Variants in KYNU observed in about 807,000 individuals in gnomAD.
The protein encoded by KYNU is kynureninase.
Under a neutral mutation model 59.2 loss-of-function variants are expected in KYNU, and 54 were observed. The observed-to-expected ratio is 0.91, with a 90% CI of 0.73 to 1.14. The LOEUF (loss-of-function observed/expected upper bound fraction) is 1.14. Among genes scored for constraint, KYNU ranks in the 50% most tolerant of loss-of-function variants. KYNU has a pLI of 0.00. For missense variants in KYNU, 567 were observed against 554.4 expected (o/e 1.02, Z -0.23); for synonymous variants, 177 against 192.0 (o/e 0.92, Z 0.65).
chr2:142,999,770 G>T (rs1435249154), intron 10 of KYNU, among the ~76,000 whole-genome samples: 1 of 151,984 alleles, frequency 6.6e-6, no homozygotes, highest in African/African-American at 2.4e-5. Context: ...TCATAGAAGA[G>T]AGCCAACATG....
At chr2:142,943,943 G>T (rs898804922) in intron 4 of KYNU, among the ~76,000 whole-genome samples, 1 of 152,126 alleles carries the variant, frequency 6.6e-6, no homozygotes, top group Non-Finnish European at 1.5e-5. Context: ...TATGAGACCC[G>T]TAATGAACCC....
chr2:143,012,488 A>T, intron 10 of KYNU, among the ~76,000 whole-genome samples: 1 of 150,584 alleles, frequency 6.6e-6, no homozygotes, highest in East Asian at 1.9e-4. Context: ...ATCTCCAAAA[A>T]ACAAAAAAAA....
intron 10 of KYNU, among the ~76,000 whole-genome samples, chr2:142,996,539 G>T (rs897777701): frequency 6.6e-6 from 1 of 152,090 alleles, no homozygotes; most frequent in Non-Finnish European, 1.5e-5. Flanking sequence ...AGTCTGGGCA[G>T]TGAAAGAAGA....
chr2:142,997,739 T>C (rs1400803573), intron 10 of KYNU, among the ~76,000 whole-genome samples: 1 of 152,086 alleles, frequency 6.6e-6, no homozygotes, highest in Non-Finnish European at 1.5e-5. Context: ...GAAACAGATG[T>C]TTGTTGTTTA....
Position 142,985,127 on chromosome 2 carries a change from T to C in KYNU, c.773T>C (p.Val258Ala), listed in dbSNP as rs376794557. 42 of 1,611,708 alleles carry C rather than the reference T, an allele frequency of 2.6e-5. No individual in the cohort carries two copies. In the African/African-American group the frequency reaches 3.3e-4, roughly 13 times the overall value. ...GATCTAGCACATGCAGTTGGAAATG[T>C]TGAACTCTACTTACATGACTGGGGA... is the stretch of plus-strand genomic sequence containing the variant. ...GFDLAHAVGN[V>A]ELYLHDWGVD... Residue 258 changes from valine (V) to alanine (A), a missense_variant, in exon 9 of 14, where the codon GTT (valine) becomes GCT (alanine). By Grantham distance (64) the Val-to-Ala change is moderately conservative. Transcript: ENST00000264170.
chr2:142,884,688 CTTTTTTTTTT>C (rs70997529), intron 1 of KYNU, among the ~76,000 whole-genome samples: 2 of 77,022 alleles, frequency 2.6e-5, no homozygotes, highest in South Asian at 5.9e-4. Context: ...TTCTCTTTTC[CTTTTTTTTTT>C]TTTTTTTTTT....
At chr2:143,013,974 G>A (rs1291535430) in intron 10 of KYNU, among the ~76,000 whole-genome samples, 1 of 152,180 alleles carries the variant, frequency 6.6e-6, no homozygotes, top group Non-Finnish European at 1.5e-5. Context: ...TTGGAGACTT[G>A]GGGTCTGTCA....
chr2:142,981,347 A>C (rs1393880967), intron 8 of KYNU, among the ~76,000 whole-genome samples: 1 of 152,168 alleles, frequency 6.6e-6, no homozygotes, highest in African/African-American at 2.4e-5. Context: ...TTGCTTCATA[A>C]AAGTTGCTTT....
Position 143,055,656 on chromosome 2 carries a change from AAGGAAG to A in KYNU, c.*13485_*13490del, listed in dbSNP as rs1687340935. On this transcript the variant is annotated 3_prime_UTR_variant, in exon 14 of 14. Transcript: ENST00000264170. ...ACAGGAAGGAAGGAAGGAAGGAAGG[AAGGAAG>A]GAAGGAAGGAAGGAAGGAAGGAAAG... 3 of 151,910 alleles carry A rather than the reference AAGGAAG, an allele frequency of 2.0e-5. No homozygotes were observed. The highest frequency in any genetic ancestry group is 4.4e-5 in the Non-Finnish European group (3 of 67,920). The allele number at this position is 151,910 out of a possible 1,614,324, so 9.4% of individuals were successfully genotyped here. A position where few individuals can be genotyped will look rare whatever the true frequency, so the allele number is the denominator to read the frequency against.
chr2:142,949,036 T>A (rs1055674222), intron 4 of KYNU, among the ~76,000 whole-genome samples: 1 of 152,238 alleles, frequency 6.6e-6, no homozygotes, highest in African/African-American at 2.4e-5. Context: ...ACAGGCCCCA[T>A]GCAAGTCCAA....
At chr2:143,008,572 C>T (rs1362148368) in intron 10 of KYNU, among the ~76,000 whole-genome samples, 1,103 of 42,114 alleles carry the variant, frequency 0.026, no homozygotes, top group South Asian at 0.033. Context: ...TAGACATCTA[C>T]AGAACTCTCC....
At chr2:142,900,790 G>T (rs947584599) in intron 2 of KYNU, among the ~76,000 whole-genome samples, 1 of 152,178 alleles carries the variant, frequency 6.6e-6, no homozygotes, top group South Asian at 2.1e-4. Flanking sequence ...GTTCAGTTGA[G>T]ATTTCCTCTG....
chr2:142,940,166 A>G (rs1365126179), intron 4 of KYNU, among the ~76,000 whole-genome samples: 16 of 152,238 alleles, frequency 1.1e-4, no homozygotes, highest in Non-Finnish European at 1.5e-5. Context: ...CCAATTCTAA[A>G]CATTCAAATA....
At chr2:143,023,205 G>C (rs992923002) in intron 10 of KYNU, among the ~76,000 whole-genome samples, 1 of 151,862 alleles carries the variant, frequency 6.6e-6, no homozygotes, top group Non-Finnish European at 1.5e-5. Flanking sequence ...TACCAATTCA[G>C]TATGTATTTC....
chr2:142,935,779 C>T lies in KYNU; in HGVS notation c.373+8038C>T, dbSNP rs767216774. ...TATGGGCCGGAGGGAAGGAAAAAGC[C>T]GGAAGTGGTTCCTGCTGAGGGTATG... is the stretch of plus-strand genomic sequence containing the variant. On this transcript the variant is annotated intron_variant, in intron 4 of 13. Transcript: ENST00000264170. Among the ~76,000 whole-genome samples the T allele has an allele frequency of 4.1e-4, 62 of 152,078 alleles. 1 individual carries two copies. Among genetic ancestry groups the T allele is most frequent in the Admixed American group, 6.5e-4 (10 of 15,268 alleles).
intron 8 of KYNU, among the ~76,000 whole-genome samples, chr2:142,974,959 A>G (rs1348393469): frequency 6.6e-6 from 1 of 152,106 alleles, no homozygotes; most frequent in Non-Finnish European, 1.5e-5. Flanking sequence ...TTTTTAAAAT[A>G]TTAGGGTATG....
chr2:142,916,652 A>G (rs1682677264), intron 2 of KYNU, among the ~76,000 whole-genome samples: 1 of 152,090 alleles, frequency 6.6e-6, no homozygotes, highest in African/African-American at 2.4e-5. Flanking sequence ...TCTGGACAGT[A>G]TGGATTAAGA....
At chr2:142,976,020 G>A (rs1248250273) in intron 8 of KYNU, among the ~76,000 whole-genome samples, 2 of 152,106 alleles carry the variant, frequency 1.3e-5, no homozygotes, top group Admixed American at 6.5e-5. Flanking sequence ...GTCATGGGTG[G>A]TAAAGGAATT....
chr2:143,042,365 G>A lies in KYNU; in HGVS notation c.*193G>A. On this transcript the variant is annotated 3_prime_UTR_variant, in exon 14 of 14. Transcript: ENST00000264170. ...ACTAAGGAGTCCACAGGGCTGCCTA[G>A]GTGCTTTGTGTTTGGGGGACCAAAA... 5 of 551,514 alleles carry A rather than the reference G, an allele frequency of 9.1e-6. No individual in the cohort carries two copies. Among genetic ancestry groups the A allele is most frequent in the Non-Finnish European group, 1.6e-5 (5 of 319,412 alleles). The allele number at this position is 551,514 out of a possible 1,614,324, so 34.2% of individuals were successfully genotyped here. A position where few individuals can be genotyped will look rare whatever the true frequency, so the allele number is the denominator to read the frequency against.
Sources: allele counts gnomAD v4.1 joint callset (sites outside exome capture counted in the v4.1 genomes callset), GRCh38; gene constraint gnomAD v4.1.1; transcripts MANE v1.5; gene names NCBI Gene and HGNC (gene_info 2026-07-23, HGNC 2026-07-21).